SIPA1L1: variants seen among roughly 807,000 people sequenced by gnomAD.
SIPA1L1 encodes signal induced proliferation associated 1 like 1.
SIPA1L1 carries 26 observed loss-of-function variants against 162.7 expected under a neutral mutation model. The ratio of observed to expected loss-of-function variants is 0.16; its 90% CI spans 0.12 to 0.22. SIPA1L1 has a LOEUF of 0.22. Ranked by LOEUF, SIPA1L1 falls within the 10% of genes least tolerant of loss-of-function variation. The pLI is 1.00. For synonymous variants in SIPA1L1, 829 were observed against 837.4 expected, an observed-to-expected ratio of 0.99 and a Z score of 0.17; for missense variants, 1,874 against 2,241.0, an observed-to-expected ratio of 0.84 and a Z score of 3.31.
chr14:71,438,156 A>G (rs2044547830), intron 2 of SIPA1L1, among the ~76,000 whole-genome samples: 1 of 152,202 alleles, frequency 6.6e-6, no homozygotes, highest in Admixed American at 6.5e-5. Context: ...AAACAAAACA[A>G]AACAAAACAA....
intron 16 of SIPA1L1, among the ~76,000 whole-genome samples, chr14:71,706,697 G>A (rs972053725): frequency 2.0e-5 from 3 of 152,158 alleles, no homozygotes; most frequent in African/African-American, 7.2e-5. Flanking sequence ...TAAAGTAAGT[G>A]GGATTGATTA....
intron 2 of SIPA1L1, among the ~76,000 whole-genome samples, chr14:71,463,246 C>A (rs1325314850): frequency 6.6e-6 from 1 of 152,150 alleles, no homozygotes; most frequent in Admixed American, 6.5e-5. Flanking sequence ...TCCATAATAG[C>A]CCTCACCCTA....
chr14:71,408,783 C>T (rs967190248), intron 2 of SIPA1L1, among the ~76,000 whole-genome samples: 1 of 152,194 alleles, frequency 6.6e-6, no homozygotes, highest in Non-Finnish European at 1.5e-5. Flanking sequence ...ATTCTCCTGC[C>T]TGTCTTTTCT....
intron 2 of SIPA1L1, among the ~76,000 whole-genome samples, chr14:71,324,649 A>G (rs1044423344): frequency 1.3e-4 from 20 of 152,278 alleles, no homozygotes; most frequent in Middle Eastern, 3.4e-3. Context: ...GTTTTGTTTC[A>G]TTTTTAAAGA....
At chr14:71,339,688 A>G (rs1413493069) in intron 2 of SIPA1L1, among the ~76,000 whole-genome samples, 1 of 152,194 alleles carries the variant, frequency 6.6e-6, no homozygotes, top group African/African-American at 2.4e-5. Flanking sequence ...CATACAACTT[A>G]ATGTCTTGGT....
In SIPA1L1 at chr14:71,727,297, C is replaced by G. The variant is rs1432953828; in HGVS notation, c.4614+2462C>G. Among the ~76,000 whole-genome samples, 3 of 152,014 alleles carry G rather than the reference C, an allele frequency of 2.0e-5. No homozygotes were observed. The South Asian group carries it at 6.2e-4, about 31-fold the overall frequency. The stretch of plus-strand genomic sequence containing the variant: ...TGCAGGTGACACATGTCACTAATAG[C>G]CAGGGGCACTGAAAAGAATGAGAGA... On this transcript the variant is annotated intron_variant, in intron 19 of 23. Transcript: ENST00000381232.
At chr14:71,559,930 G>A (rs189112652) in intron 4 of SIPA1L1, among the ~76,000 whole-genome samples, 68 of 152,168 alleles carry the variant, frequency 4.5e-4, no homozygotes, top group Non-Finnish European at 8.1e-4. Flanking sequence ...GGCTGGGGGA[G>A]TGAGACTTTT....
chr14:71,599,408 T>C (rs1396556126), intron 5 of SIPA1L1, among the ~76,000 whole-genome samples: 1 of 151,092 alleles, frequency 6.6e-6, no homozygotes, highest in Non-Finnish European at 1.5e-5. Context: ...CGCCTCGGCC[T>C]CGCAAAGTGC....
chr14:71,339,926 A>G (rs1490872550), intron 2 of SIPA1L1, among the ~76,000 whole-genome samples: 5 of 152,212 alleles, frequency 3.3e-5, no homozygotes, highest in South Asian at 2.1e-4. Context: ...TTCTCTTAAC[A>G]TAGATTGTAG....
chr14:71,534,133 C>T (rs1365473674), intron 4 of SIPA1L1, among the ~76,000 whole-genome samples: 2 of 152,072 alleles, frequency 1.3e-5, no homozygotes, highest in African/African-American at 4.8e-5. Context: ...GAATTGTGAT[C>T]CTGTTTGTCA....
intron 15 of SIPA1L1, chr14:71,704,776 A>C: frequency 6.2e-7 from 1 of 1,607,084 alleles, no homozygotes; most frequent in Non-Finnish European, 8.5e-7. Flanking sequence ...AGCAGCATGA[A>C]TATACAGGTA....
chr14:71,367,335 C>T (rs1454768031), intron 2 of SIPA1L1, among the ~76,000 whole-genome samples: 1 of 140,088 alleles, frequency 7.1e-6, no homozygotes, highest in African/African-American at 2.7e-5. Flanking sequence ...GATATGGAGT[C>T]TCGCTGTGTC....
At chr14:71,417,469 C>CAAAA (rs58628136) in intron 2 of SIPA1L1, among the ~76,000 whole-genome samples, 535 of 17,762 alleles carry the variant, frequency 0.03, 154 homozygotes, top group African/African-American at 0.039. Context: ...GACTCCGTCT[C>CAAAA]AAAAAAAAAA....
chr14:71,562,458 G>A (rs928142138), intron 4 of SIPA1L1, among the ~76,000 whole-genome samples: 1 of 152,218 alleles, frequency 6.6e-6, no homozygotes, highest in South Asian at 2.1e-4. Flanking sequence ...ATTATTAACA[G>A]ATTTACTAAT....
chr14:71,452,679 C>T (rs2045917045), intron 2 of SIPA1L1, among the ~76,000 whole-genome samples: 2 of 152,136 alleles, frequency 1.3e-5, no homozygotes, highest in African/African-American at 4.8e-5. Flanking sequence ...CCAGTGGCTC[C>T]ACATCTTCAT....
At chr14:71,334,351 A>G (rs560886023) in intron 2 of SIPA1L1, among the ~76,000 whole-genome samples, 1 of 152,262 alleles carries the variant, frequency 6.6e-6, no homozygotes, top group Admixed American at 6.5e-5. Context: ...GCACTATTTA[A>G]CTCATAGGCC....
At position 71,614,346 on chromosome 14, in the gene SIPA1L1, A is replaced by T. The variant is rs1041045087; in HGVS notation, c.1499-4411A>T. 9.2e-5 allele frequency among the ~76,000 whole-genome samples: 14 copies of T among 152,216 alleles called. 1 individual carries two copies. Among genetic ancestry groups the T allele is most frequent in the Admixed American group, 9.2e-4 (14 of 15,282 alleles). On this transcript the variant is annotated intron_variant, in intron 5 of 23. Coordinates refer to ENST00000381232, the MANE Select transcript of SIPA1L1 (RefSeq NM_001386936.1). ...TTGAATAGAATAAACTTATGTTCATATGGAAAGAGTTTTTTCTATACTTCT... is the reference window on the plus strand; with the variant it reads ...TTGAATAGAATAAACTTATGTTCATTTGGAAAGAGTTTTTTCTATACTTCT...
Position 71,739,119 on chromosome 14 carries a change from G to A in SIPA1L1, c.5310G>A (p.Lys1770=), listed in dbSNP as rs374830913. Residue 1770 remains lysine, a synonymous_variant, in exon 24 of 24, where the codon AAG becomes AAA. Coordinates refer to ENST00000381232, the MANE Select transcript of SIPA1L1 (RefSeq NM_001386936.1). The part of the protein sequence containing the change: ...EESQNASDKL[K]KFTEWVFNTI... ...CCCAGAACGCCTCGGACAAGCTGAA[G>A]AAGTTCACAGAATGGGTCTTCAACA... The A allele has an allele frequency of 3.1e-6, 5 of 1,613,964 alleles. No individual in the cohort carries two copies. In the East Asian group the frequency reaches 8.9e-5, roughly 29 times the overall value.
chr14:71,474,620 G>A (rs1319844318), intron 2 of SIPA1L1, among the ~76,000 whole-genome samples: 1 of 152,166 alleles, frequency 6.6e-6, no homozygotes, highest in Non-Finnish European at 1.5e-5. Flanking sequence ...AGTAATCTCA[G>A]TTCAGCCCTG....
Sources: allele counts gnomAD v4.1 joint callset (sites outside exome capture counted in the v4.1 genomes callset), GRCh38; gene constraint gnomAD v4.1.1; transcripts MANE v1.5; gene names NCBI Gene and HGNC (gene_info 2026-07-23, HGNC 2026-07-21).